The following EDIL3 variants were observed in gnomAD, a reference collection of about 807,000 sequenced individuals.
EDIL3 encodes the protein EGF like and discoidin domains 3.
A neutral mutation model predicts 67.4 loss-of-function variants in EDIL3; 37 were observed. That is an observed-to-expected ratio of 0.55 (90% CI 0.42 to 0.72). EDIL3 has a LOEUF of 0.72. EDIL3 is among the 30% of genes least tolerant of loss of function. EDIL3 has a pLI of 0.00. For synonymous variants in EDIL3, 195 were observed against 196.3 expected (o/e 0.99, Z 0.05); for missense variants, 527 against 586.3 (o/e 0.90, Z 1.04).
At chr5:84,315,668 G>C (rs1746498393) in intron 1 of EDIL3, among the ~76,000 whole-genome samples, 1 of 151,890 alleles carries the variant, frequency 6.6e-6, no homozygotes, top group Admixed American at 6.6e-5. Context: ...TGAATGTGTA[G>C]AGCACCGAAA....
In EDIL3 at chr5:84,366,315, T is replaced by C. The variant is rs886758375; in HGVS notation, c.67+17993A>G. 2.6e-5 allele frequency among the ~76,000 whole-genome samples: 4 copies of C among 152,112 alleles called. No individual in the cohort carries two copies. In the East Asian group the frequency reaches 7.7e-4, roughly 29 times the overall value. ...TCATATCCATCATGGGCCACAGATA[T>C]GGTTCTATGCACTTAACCTCTATTA... On this transcript the variant is annotated intron_variant, in intron 1 of 10. Transcript: ENST00000296591.
intron 10 of EDIL3, among the ~76,000 whole-genome samples, chr5:83,958,630 G>A (rs1295674210): frequency 6.6e-6 from 1 of 151,288 alleles, no homozygotes; most frequent in African/African-American, 2.4e-5. Flanking sequence ...TAAACACTAC[G>A]ATGTTATGAC....
At chr5:84,267,530 T>C (rs959749764) in intron 1 of EDIL3, among the ~76,000 whole-genome samples, 2 of 152,178 alleles carry the variant, frequency 1.3e-5, no homozygotes, top group Non-Finnish European at 2.9e-5. Context: ...TGAGTTTTAT[T>C]TGAGTATTAC....
chr5:84,033,113 A>T (rs1745957500), intron 9 of EDIL3, among the ~76,000 whole-genome samples: 2 of 152,166 alleles, frequency 1.3e-5, no homozygotes, highest in Non-Finnish European at 2.9e-5. Context: ...TCTGCTTTAC[A>T]TAATTTGCTT....
chr5:84,133,845 G>A (rs1040077759), intron 5 of EDIL3, among the ~76,000 whole-genome samples: 21 of 151,816 alleles, frequency 1.4e-4, no homozygotes, highest in Admixed American at 9.2e-4. Flanking sequence ...ATCTTCCAAA[G>A]TAAATAAATT....
chr5:84,046,689 G>T (rs1746229822), intron 9 of EDIL3, among the ~76,000 whole-genome samples: 1 of 152,128 alleles, frequency 6.6e-6, no homozygotes, highest in African/African-American at 2.4e-5. Context: ...CATATTTTCA[G>T]TTCATATTTT....
At chr5:84,265,996 C>CT (rs1252613825) in intron 1 of EDIL3, among the ~76,000 whole-genome samples, 3 of 152,166 alleles carry the variant, frequency 2.0e-5, no homozygotes, top group African/African-American at 7.2e-5. Flanking sequence ...TCAAAGTGCC[C>CT]TTTCTTCAGG....
At chr5:83,984,489 T>C (rs1327530527) in intron 9 of EDIL3, among the ~76,000 whole-genome samples, 2 of 152,058 alleles carry the variant, frequency 1.3e-5, no homozygotes, top group South Asian at 4.1e-4. Flanking sequence ...CAAGTAGGAT[T>C]GTGGTCCAAA....
chr5:84,125,499 C>T (rs771270759), intron 5 of EDIL3, among the ~76,000 whole-genome samples: 12 of 152,150 alleles, frequency 7.9e-5, no homozygotes, highest in Admixed American at 6.6e-4. Context: ...GGGAAGCATA[C>T]ACTTCCTTAA....
At chr5:84,266,486 T>C (rs561087203) in intron 1 of EDIL3, among the ~76,000 whole-genome samples, 1 of 152,316 alleles carries the variant, frequency 6.6e-6, no homozygotes, top group South Asian at 2.1e-4. Context: ...TCAGAGACTC[T>C]CACGGGGTGG....
intron 9 of EDIL3, among the ~76,000 whole-genome samples, chr5:83,970,550 C>G (rs1417648688): frequency 6.8e-6 from 1 of 147,272 alleles, no homozygotes; most frequent in African/African-American, 2.5e-5. Flanking sequence ...ACAATTTTCT[C>G]TGAGTTTTCC....
chr5:83,987,555 C>A (rs1580266596), intron 9 of EDIL3, among the ~76,000 whole-genome samples: 2 of 152,250 alleles, frequency 1.3e-5, no homozygotes, highest in African/African-American at 4.8e-5. Flanking sequence ...CTAGAAAATG[C>A]AGCTGCTAAA....
chr5:84,172,919 C>T (rs1256098483), intron 4 of EDIL3, among the ~76,000 whole-genome samples: 4 of 152,162 alleles, frequency 2.6e-5, no homozygotes, highest in Admixed American at 2.6e-4. Context: ...CACTGGGCAG[C>T]TCTGTATGTA....
chr5:84,200,076 T>C (rs1743800821), intron 3 of EDIL3, among the ~76,000 whole-genome samples: 2 of 152,114 alleles, frequency 1.3e-5, no homozygotes, highest in Admixed American at 1.3e-4. Context: ...CAGAACTATG[T>C]TCTGGGATTT....
intron 9 of EDIL3, among the ~76,000 whole-genome samples, chr5:84,049,031 C>T (rs575651513): frequency 6.6e-6 from 1 of 152,136 alleles, no homozygotes; most frequent in South Asian, 2.1e-4. Context: ...ATAACAGACA[C>T]AAAAACACAT....
chr5:84,326,416 A>G (rs1025667323), intron 1 of EDIL3, among the ~76,000 whole-genome samples: 5 of 152,020 alleles, frequency 3.3e-5, no homozygotes, highest in African/African-American at 1.2e-4. Context: ...ATAAAGATAC[A>G]GTTCCCATCA....
intron 1 of EDIL3, among the ~76,000 whole-genome samples, chr5:84,382,446 G>T (rs1748099818): frequency 6.6e-6 from 1 of 152,140 alleles, no homozygotes; most frequent in African/African-American, 2.4e-5. Context: ...GGCCACATAG[G>T]CTAGACGCAC....
chr5:84,176,564 C>T (rs1312013540), intron 4 of EDIL3, among the ~76,000 whole-genome samples: 1 of 151,194 alleles, frequency 6.6e-6, no homozygotes, highest in Non-Finnish European at 1.5e-5. Context: ...AAGAAATAAC[C>T]TTTCTCTATG....
At chr5:84,317,001 T>C (rs1015448159) in intron 1 of EDIL3, among the ~76,000 whole-genome samples, 1 of 152,204 alleles carries the variant, frequency 6.6e-6, no homozygotes, top group Non-Finnish European at 1.5e-5. Flanking sequence ...AACCTGCTCC[T>C]GAATGACTAT....
Sources: gnomAD v4.1 joint callset for allele counts (sites outside exome capture counted in the v4.1 genomes callset) on GRCh38, gnomAD v4.1.1 for gene constraint, MANE v1.5 for transcripts, NCBI Gene and HGNC (gene_info 2026-07-23, HGNC 2026-07-21) for gene names.